The following RAF1 variants were observed in gnomAD, a reference collection of about 807,000 sequenced individuals.
RAF1 encodes RAF proto-oncogene serine/threonine-protein kinase.
In RAF1, 27 loss-of-function variants were observed where a neutral mutation model predicts 81.1. The ratio of observed to expected loss-of-function variants is 0.33; its 90% CI spans 0.25 to 0.46. RAF1 has a LOEUF of 0.46. Among genes scored for constraint, RAF1 ranks in the 20% least tolerant of loss-of-function variants. The pLI, the probability that RAF1 is intolerant of heterozygous loss-of-function variation, is 1.00. For synonymous variants in RAF1, 298 were observed against 294.0 expected (o/e 1.01, Z -0.14); for missense variants, 598 against 826.0 (o/e 0.72, Z 3.38).
chr3:12,596,785 C>T (rs2058699821), intron 11 of RAF1, among the ~76,000 whole-genome samples: 1 of 152,088 alleles, frequency 6.6e-6, no homozygotes, highest in Non-Finnish European at 1.5e-5. Flanking sequence ...TTTCCTGGAC[C>T]ACTCATTTTT....
rs967500254 is a variant in RAF1 at position 12,615,774 on chromosome 3, G to A, written c.207+2741C>T. The stretch of plus-strand genomic sequence containing the variant: ...AAGCTAAGAAATAATCATAGCAGCC[G>A]GGTGCAGTGGCTCATGTCTGTAATC... On this transcript the variant is annotated intron_variant, in intron 2 of 17. Transcript: ENST00000442415. 4.6e-5 allele frequency among the ~76,000 whole-genome samples: 7 copies of A among 152,220 alleles called. No individual in the cohort carries two copies. In the South Asian group the frequency reaches 6.2e-4, roughly 14 times the overall value.
chr3:12,590,871 G>A lies in RAF1; in HGVS notation c.1357C>T (p.Leu453=), dbSNP rs368676608. The A allele has an allele frequency of 1.2e-6, 2 of 1,613,732 alleles. No individual in the cohort carries two copies. Among genetic ancestry groups the A allele is most frequent in the African/African-American group, 2.7e-5 (2 of 75,038 alleles). The change falls in exon 13 of 18, where the codon CTG becomes TTG. Residue 453 remains leucine (L), a synonymous_variant. Transcript: ENST00000442415. ...TGAAACTTGGTCTCCTGGACATGCA[G>A]GTGTTTGTAGAGGCTGCTGCCCTCG... is the stretch of plus-strand genomic sequence containing the variant.
chr3:12,609,036 TGTACAGAATTCATAATCACAAATTA>T, intron 4 of RAF1, 113 bp from the exon 5 acceptor site: 1 of 1,238,546 alleles, frequency 8.1e-7, no homozygotes, highest in Non-Finnish European at 1.2e-6. Flanking sequence ...ACTTCCAGCA[TGTACAGAATTCATAATCACAAATTA>T]GAGTATATCT....
At chr3:12,612,211 A>G in intron 2 of RAF1, 149 bp from the exon 3 acceptor site, 1 of 690,912 alleles carries the variant, frequency 1.4e-6, no homozygotes, top group East Asian at 2.7e-5. Context: ...CAGCAATAGG[A>G]AAGTACTTGA....
At chr3:12,596,903 C>CT (rs145040302) in intron 11 of RAF1, among the ~76,000 whole-genome samples, 36,239 of 146,606 alleles carry the variant, frequency 0.25, 4,790 homozygotes, top group African/African-American at 0.34. Flanking sequence ...AACCTAGAAT[C>CT]TTTTTTTTTT....
chr3:12,595,513 C>G (rs1340057797), intron 11 of RAF1, among the ~76,000 whole-genome samples: 1 of 152,086 alleles, frequency 6.6e-6, no homozygotes, highest in African/African-American at 2.4e-5. Context: ...CCCATTTAAC[C>G]CAAATGATAG....
chr3:12,650,182 A>G (rs5746165), intron 1 of RAF1, among the ~76,000 whole-genome samples: 269 of 149,126 alleles, frequency 1.8e-3, no homozygotes, highest in Non-Finnish European at 3.5e-3. Flanking sequence ...AAATTTAATC[A>G]GGCATGGTAG....
intron 1 of RAF1, among the ~76,000 whole-genome samples, chr3:12,625,500 T>A (rs745577542): frequency 1.6e-4 from 25 of 152,182 alleles, no homozygotes; most frequent in Non-Finnish European, 2.6e-4. Context: ...ATTAACTGTT[T>A]AAAGATTTAA....
intron 1 of RAF1, among the ~76,000 whole-genome samples, chr3:12,651,006 GC>G (rs1378947272): frequency 6.6e-6 from 1 of 152,160 alleles, no homozygotes; most frequent in Non-Finnish European, 1.5e-5. Context: ...GCACAGACAA[GC>G]AGGTAAAGAA....
intron 1 of RAF1, among the ~76,000 whole-genome samples, chr3:12,635,637 CAAAAAAAAAAA>C (rs34576938): frequency 1.2e-4 from 9 of 73,278 alleles, no homozygotes; most frequent in Non-Finnish European, 1.9e-4. Context: ...ACTCCAGCTC[CAAAAAAAAAAA>C]AAAAAAAAAA....
At chr3:12,613,420 T>G (rs1575591429) in intron 2 of RAF1, among the ~76,000 whole-genome samples, 2 of 97,488 alleles carry the variant, frequency 2.1e-5, no homozygotes, top group African/African-American at 3.7e-5. Context: ...CACCCCGCCA[T>G]CCCCCCCCAC....
chr3:12,609,837 C>T (rs928785448), intron 3 of RAF1, among the ~76,000 whole-genome samples: 1 of 152,044 alleles, frequency 6.6e-6, no homozygotes. Flanking sequence ...AGTCAATATA[C>T]GTTAAATTGG....
At chr3:12,591,004 G>C in intron 12 of RAF1, 30 bp from the exon 12 acceptor site, 1 of 1,572,272 alleles carries the variant, frequency 6.4e-7, no homozygotes, top group East Asian at 2.2e-5. Context: ...AGAGGAGAGG[G>C]AGGAGGAAAG....
intron 1 of RAF1, among the ~76,000 whole-genome samples, chr3:12,620,670 C>T (rs961593289): frequency 6.6e-6 from 1 of 151,742 alleles, no homozygotes; most frequent in East Asian, 1.9e-4. Flanking sequence ...TTGAGAAAGG[C>T]TCTCACTATG....
rs746937683 is a variant in RAF1 at position 12,584,965 on chromosome 3, C to A, written c.1745G>T (p.Gly582Val). The A allele has an allele frequency of 1.9e-6, 3 of 1,613,980 alleles. No homozygotes were observed. The African/African-American group carries it at 4.0e-5, about 22-fold the overall frequency. ...AAGATCTGGGGAGGCATATCCTCGG[C>A]CCACCATGAAGATGATCTAAGGGAA... Residue 582 changes from glycine (G) to valine (V), a missense_variant, in exon 17 of 18, where the codon GGC (glycine) becomes GTC (valine). Physicochemically the swap from Gly to Val is moderately radical, Grantham distance 109 (BLOSUM62 -3). Transcript: ENST00000442415.
intron 1 of RAF1, among the ~76,000 whole-genome samples, chr3:12,651,791 C>T (rs958635970): frequency 3.2e-4 from 48 of 151,924 alleles, no homozygotes; most frequent in African/African-American, 1.1e-3. Flanking sequence ...GGGCAAATCA[C>T]TTGAGGTCAG....
chr3:12,631,661 C>T (rs1302968339), intron 1 of RAF1, among the ~76,000 whole-genome samples: 1 of 152,178 alleles, frequency 6.6e-6, no homozygotes, highest in Non-Finnish European at 1.5e-5. Context: ...AGCATTGCAC[C>T]TAACACAGAG....
At position 12,647,390 on chromosome 3, in the gene RAF1, T is replaced by C. The variant is rs565194155; in HGVS notation, c.-27+16423A>G. On this transcript the variant is annotated intron_variant, in intron 1 of 17. Coordinates refer to ENST00000442415, the MANE Select transcript of RAF1 (RefSeq NM_001354689.3). ...TTGAGGCAAGCAGACTGCTTGAGCCTAGAAGCTTGAGACCAGCCTGGACAA... is the reference window on the plus strand; with the variant it reads ...TTGAGGCAAGCAGACTGCTTGAGCCCAGAAGCTTGAGACCAGCCTGGACAA... Among the ~76,000 whole-genome samples, 3 of 151,574 alleles carry C rather than the reference T, an allele frequency of 2.0e-5. No homozygotes were observed. In the South Asian group the frequency reaches 6.3e-4, roughly 32 times the overall value.
chr3:12,588,591 G>A (rs1377326430), intron 13 of RAF1: 1 of 152,192 alleles, frequency 6.6e-6, no homozygotes, highest in African/African-American at 2.4e-5. Flanking sequence ...TAAAAATACA[G>A]TATTATAATC....
Sources: gnomAD v4.1 joint callset for allele counts (sites outside exome capture counted in the v4.1 genomes callset) on GRCh38, gnomAD v4.1.1 for gene constraint, MANE v1.5 for transcripts, NCBI Gene and HGNC (gene_info 2026-07-23, HGNC 2026-07-21) for gene names.